Variants in PPARG observed in about 807,000 individuals in gnomAD.
PPARG encodes peroxisome proliferator activated receptor gamma, also known as peroxisome proliferator-activated receptor gamma.
A neutral mutation model predicts 39.2 loss-of-function variants in PPARG; 17 were observed. That is an observed-to-expected ratio of 0.43 (90% CI 0.30 to 0.65). The LOEUF (loss-of-function observed/expected upper bound fraction) is 0.65. PPARG is among the 30% of genes least tolerant of loss of function. PPARG has a pLI of 0.13. For synonymous variants in PPARG, 223 were observed against 215.7 expected (o/e 1.03, Z -0.30); for missense variants, 406 against 585.9 (o/e 0.69, Z 3.17).
chr3:12,293,359 C>A (rs955826133), intron 1 of PPARG, among the ~76,000 whole-genome samples: 30 of 151,940 alleles, frequency 2.0e-4, no homozygotes, highest in African/African-American at 6.5e-4. Flanking sequence ...TAAAAAAAAA[C>A]CACTTTAATT....
At chr3:12,328,609 T>C (rs1022620840) in intron 2 of PPARG, among the ~76,000 whole-genome samples, 2 of 152,212 alleles carry the variant, frequency 1.3e-5, no homozygotes, top group African/African-American at 2.4e-5. Context: ...AAAAAGCATC[T>C]GTCCCACTCT....
chr3:12,356,807 A>G (rs1478799213), intron 2 of PPARG, among the ~76,000 whole-genome samples: 1 of 152,086 alleles, frequency 6.6e-6, no homozygotes, highest in Non-Finnish European at 1.5e-5. Flanking sequence ...CTCTGTTCAC[A>G]CTAATCTCTT....
intron 6 of PPARG, among the ~76,000 whole-genome samples, chr3:12,412,939 GTAAAA>G (rs1218689448): frequency 6.6e-5 from 10 of 152,114 alleles, no homozygotes; most frequent in Non-Finnish European, 1.2e-4. Context: ...AACTAGAAGT[GTAAAA>G]TCATTAAGAC....
chr3:12,365,479 A>G (rs1180902414), intron 2 of PPARG, among the ~76,000 whole-genome samples: 1 of 152,038 alleles, frequency 6.6e-6, no homozygotes, highest in Non-Finnish European at 1.5e-5. Context: ...GTTTTCTCCT[A>G]TATTGTCTTC....
At chr3:12,371,024 C>A (rs2049192846) in intron 2 of PPARG, among the ~76,000 whole-genome samples, 1 of 152,122 alleles carries the variant, frequency 6.6e-6, no homozygotes, top group African/African-American at 2.4e-5. Flanking sequence ...GTGTTGGAGG[C>A]TTTTAGCCCA....
intron 6 of PPARG, chr3:12,406,651 T>C (rs1194686850): frequency 1.3e-5 from 2 of 158,240 alleles, no homozygotes; most frequent in African/African-American, 4.9e-5. Context: ...GCGATTATCA[T>C]GCCTCAGCAT....
At chr3:12,294,633 G>A (rs1309878661) in intron 1 of PPARG, among the ~76,000 whole-genome samples, 3 of 152,118 alleles carry the variant, frequency 2.0e-5, no homozygotes, top group Admixed American at 6.6e-5. Flanking sequence ...AGTGGCTCAC[G>A]CCTGTAATCC....
chr3:12,324,489 A>AT (rs1004650912), intron 2 of PPARG, among the ~76,000 whole-genome samples: 1 of 152,130 alleles, frequency 6.6e-6, no homozygotes, highest in Non-Finnish European at 1.5e-5. Flanking sequence ...AAATCTCAAA[A>AT]AACAAAGACT....
intron 3 of PPARG, among the ~76,000 whole-genome samples, chr3:12,380,847 C>T (rs2049624926): frequency 6.6e-6 from 1 of 152,168 alleles, no homozygotes; most frequent in Non-Finnish European, 1.5e-5. Context: ...ATTTTTCATG[C>T]ACCTCAAGCT....
chr3:12,369,162 C>T (rs2049122274), intron 2 of PPARG, among the ~76,000 whole-genome samples: 1 of 152,138 alleles, frequency 6.6e-6, no homozygotes, highest in African/African-American at 2.4e-5. Flanking sequence ...TCACATATTT[C>T]TTCTGGCATT....
intron 2 of PPARG, among the ~76,000 whole-genome samples, chr3:12,331,213 G>A (rs1451486962): frequency 1.3e-5 from 2 of 152,210 alleles, no homozygotes; most frequent in Non-Finnish European, 2.9e-5. Context: ...GATGAGTGCT[G>A]TAAGGGAGAG....
At chr3:12,431,095 G>A (rs949813048) in intron 7 of PPARG, among the ~76,000 whole-genome samples, 4 of 151,964 alleles carry the variant, frequency 2.6e-5, no homozygotes, top group South Asian at 2.1e-4. Context: ...AAATCAATAC[G>A]AGATAGATGA....
intron 2 of PPARG, among the ~76,000 whole-genome samples, chr3:12,368,308 A>G (rs2049091125): frequency 6.6e-6 from 1 of 151,596 alleles, no homozygotes. Flanking sequence ...CAGTCTCCCA[A>G]GTAGCTGGGA....
At chr3:12,413,475 G>A (rs1437931224) in intron 6 of PPARG, among the ~76,000 whole-genome samples, 5 of 152,104 alleles carry the variant, frequency 3.3e-5, no homozygotes, top group Non-Finnish European at 7.4e-5. Context: ...AGAATTCTCT[G>A]CTAGTTCACC....
At chr3:12,406,967 G>T (rs1470021848) in intron 6 of PPARG, 1 of 152,214 alleles carries the variant, frequency 6.6e-6, no homozygotes, top group Non-Finnish European at 1.5e-5. Context: ...TCATTGAGCA[G>T]CACTGTTTAG....
intron 1 of PPARG, among the ~76,000 whole-genome samples, chr3:12,302,878 C>A (rs2124959313): frequency 1.3e-5 from 2 of 152,138 alleles, no homozygotes; most frequent in Middle Eastern, 6.8e-3. Context: ...TCCGGACATA[C>A]CATGAGGAGG....
At chr3:12,287,942 C>G (rs2046549064), upstream of PPARG, 1 of 147,920 alleles carries the variant, frequency 6.8e-6, no homozygotes, top group African/African-American at 2.5e-5. Context: ...AGCCCGAGCC[C>G]GAGCCGCAGC....
At chr3:12,348,351 G>A (rs1038844495) in intron 2 of PPARG, among the ~76,000 whole-genome samples, 1 of 152,178 alleles carries the variant, frequency 6.6e-6, no homozygotes, top group African/African-American at 2.4e-5. Context: ...AGTGTGAAGA[G>A]TTTTTATGGC....
intron 2 of PPARG, among the ~76,000 whole-genome samples, chr3:12,374,121 A>AAAAGGCCAG (rs1232071311): frequency 6.6e-6 from 1 of 152,192 alleles, no homozygotes; most frequent in Non-Finnish European, 1.5e-5. Context: ...ATGCCAAGCT[A>AAAAGGCCAG]AAAGGCCAGT....
Sources: allele counts gnomAD v4.1 joint callset (sites outside exome capture counted in the v4.1 genomes callset), GRCh38; gene constraint gnomAD v4.1.1; transcripts MANE v1.5; gene names NCBI Gene and HGNC (gene_info 2026-07-23, HGNC 2026-07-21).